Variants in GIMAP4 observed in about 807,000 individuals in gnomAD.
GIMAP4 encodes GTPase IMAP family member 4.
A neutral mutation model predicts 10.8 loss-of-function variants in GIMAP4; 12 were observed. The ratio of observed to expected loss-of-function variants is 1.11; its 90% confidence interval spans 0.71 to 1.81. The LOEUF is 1.81. GIMAP4 is among the 40% of genes most tolerant of loss of function. The pLI, the probability that GIMAP4 is intolerant of heterozygous loss-of-function variation, is 0.00. For missense variants in GIMAP4, 412 were observed against 404.6 expected (o/e 1.02, Z -0.16); for synonymous variants, 149 against 147.2 (o/e 1.01, Z -0.09).
intron 1 of GIMAP4, among the ~76,000 whole-genome samples, chr7:150,567,680 G>T (rs767215816): frequency 6.6e-6 from 1 of 152,108 alleles, no homozygotes. Flanking sequence ...GTTTCCTCTC[G>T]CTGGTTGTGG....
At chr7:150,567,900 G>A (rs375932027) in intron 1 of GIMAP4, among the ~76,000 whole-genome samples, 79 of 152,186 alleles carry the variant, frequency 5.2e-4, no homozygotes, top group Non-Finnish European at 7.1e-4. Context: ...GGAGCTGCCC[G>A]TTAGGGAAAC....
chr7:150,568,495 G>T (rs1795690303), intron 1 of GIMAP4, among the ~76,000 whole-genome samples: 1 of 152,026 alleles, frequency 6.6e-6, no homozygotes, highest in South Asian at 2.1e-4. Context: ...TTTCTCCATT[G>T]CAAAATGTTT....
intron 2 of GIMAP4, among the ~76,000 whole-genome samples, chr7:150,570,369 C>A (rs201073442): frequency 1.3e-5 from 2 of 152,154 alleles, no homozygotes; most frequent in African/African-American, 2.4e-5. Context: ...AATTGTCCCT[C>A]ACCCTGGTAT....
At position 150,572,305 on chromosome 7, in the gene GIMAP4, A is replaced by G. The variant is rs927263369; in HGVS notation, c.235A>G (p.Thr79Ala). 5.6e-6 allele frequency: 9 copies of G among 1,614,196 alleles called. No homozygotes were observed. The highest frequency in any genetic ancestry group is 1.6e-4 in the Middle Eastern group (1 of 6,062). Reference protein sequence around the residue: ...CEKRSSSWKETELVVVDTPGI... With the variant: ...CEKRSSSWKEAELVVVDTPGI... ...GAAACGCAGCAGCTCATGGAAGGAA[A>G]CAGAACTTGTCGTAGTTGACACACC... is the stretch of plus-strand genomic sequence containing the variant. Residue 79 changes from threonine to alanine, a missense_variant, in exon 3 of 3, where the codon ACA (threonine) becomes GCA (alanine). Coordinates refer to ENST00000255945, the MANE Select transcript of GIMAP4 (RefSeq NM_018326.3).
At chr7:150,569,483 C>T (rs116228921) in intron 1 of GIMAP4, among the ~76,000 whole-genome samples, 1,545 of 152,178 alleles carry the variant, frequency 0.01, 21 homozygotes, top group African/African-American at 0.036. Context: ...TAATTTCGGC[C>T]AGGTTCTGTT....
chr7:150,571,220 G>A (rs1000499613), intron 2 of GIMAP4, among the ~76,000 whole-genome samples: 3 of 152,088 alleles, frequency 2.0e-5, no homozygotes, highest in African/African-American at 7.2e-5. Flanking sequence ...GCCAGCCCAC[G>A]TTTTTCCTTA....
chr7:150,572,097 A>G, intron 2 of GIMAP4, 32 bp from the exon 3 acceptor site: 2 of 1,432,778 alleles, frequency 1.4e-6, no homozygotes, highest in Non-Finnish European at 1.9e-6. Flanking sequence ...AGATTCTAAC[A>G]GCATGGCTTT....
chr7:150,569,361 A>G (rs1267027377), intron 1 of GIMAP4, among the ~76,000 whole-genome samples: 1 of 152,038 alleles, frequency 6.6e-6, no homozygotes, highest in Non-Finnish European at 1.5e-5. Flanking sequence ...GAGAGAGAGG[A>G]TAAAAGAGTT....
chr7:150,573,644 C>T lies in GIMAP4; in HGVS notation c.*584C>T, dbSNP rs887116302. ...AAGAACAGAGACCTGTCTGGAAAAT[C>T]GATCTCTACAAATTCAATTAAATAA... On this transcript the variant is annotated 3_prime_UTR_variant, in exon 3 of 3. Transcript: ENST00000255945. 4 of 152,138 alleles carry T rather than the reference C, an allele frequency of 2.6e-5. No individual in the cohort carries two copies. The highest frequency in any genetic ancestry group is 4.4e-5 in the Non-Finnish European group (3 of 68,044). The allele number at this position is 152,138 out of a possible 1,614,324, so 9.4% of individuals were successfully genotyped here. A position where few individuals can be genotyped will look rare whatever the true frequency, so the allele number is the denominator to read the frequency against.
In GIMAP4 at chr7:150,572,226, C is replaced by T. The variant is rs765367147; in HGVS notation, c.156C>T (p.Gly52=). Residue 52 remains glycine (G), a synonymous_variant, in exon 3 of 3, where the codon GGC becomes GGT. Coordinates refer to ENST00000255945, the MANE Select transcript of GIMAP4 (RefSeq NM_018326.3). ...GKSATGNSIL[G]RKVFHSGTAA... ...GTGCAACAGGAAACAGCATCCTTGG[C>T]CGGAAAGTGTTTCATTCTGGCACTG... 2 of 1,613,618 alleles carry T rather than the reference C, an allele frequency of 1.2e-6. No individual in the cohort carries two copies. The highest frequency in any genetic ancestry group is 1.1e-5 in the South Asian group (1 of 91,084).
chr7:150,570,286 T>G lies in GIMAP4; in HGVS notation c.58+327T>G, dbSNP rs956692051. ...ACATGGACACACCAGAACAGCTGGT[T>G]GTAGCCTATCTGATTGTTTTTCTGC... On this transcript the variant is annotated intron_variant, in intron 2 of 2. Transcript: ENST00000255945. Among the ~76,000 whole-genome samples, 23 of 152,116 alleles carry G rather than the reference T, an allele frequency of 1.5e-4. 1 individual carries two copies. The highest frequency in any genetic ancestry group is 5.6e-4 in the African/African-American group (23 of 41,424).
At position 150,573,932 on chromosome 7, in the gene GIMAP4, A is replaced by G. The variant is rs1795769058; in HGVS notation, c.*872A>G. ...GAATTTTTTGCTTATGTTGTTTATA[A>G]TAAAACTTTTCAATTATCTCATATT... On this transcript the variant is annotated 3_prime_UTR_variant, in exon 3 of 3. Transcript: ENST00000255945. 1 of 152,224 alleles carries G rather than the reference A, an allele frequency of 6.6e-6. No individual in the cohort carries two copies. The highest frequency in any genetic ancestry group is 2.1e-4 in the South Asian group (1 of 4,836). 9.4% of individuals were successfully genotyped at this position (152,224 alleles called of 1,614,324 possible). A position where few individuals can be genotyped will look rare whatever the true frequency, so the allele number is the denominator to read the frequency against.
chr7:150,568,562 A>G (rs1471255880), intron 1 of GIMAP4, among the ~76,000 whole-genome samples: 1 of 152,242 alleles, frequency 6.6e-6, no homozygotes, highest in African/African-American at 2.4e-5. Flanking sequence ...ATAACACTAC[A>G]TATTAATTAA....
In GIMAP4 at chr7:150,572,459, A is replaced by G; in HGVS notation, c.389A>G (p.Glu130Gly). 6.2e-7 allele frequency: 1 copy of G among 1,614,128 alleles called. No homozygotes were observed. The highest frequency in any genetic ancestry group is 8.5e-7 in the Non-Finnish European group (1 of 1,179,948). ...VVPLGRYTEE[E>G]HKATEKILKM... ...CCACTGGGCCGTTACACTGAGGAAGAGCACAAAGCCACAGAGAAGATCCTG... is the reference window on the plus strand; with the variant it reads ...CCACTGGGCCGTTACACTGAGGAAGGGCACAAAGCCACAGAGAAGATCCTG... The change falls in exon 3 of 3, where the codon GAG becomes GGG. Residue 130 changes from glutamate (E) to glycine (G), a missense_variant. Physicochemically the swap from Glu to Gly is moderately conservative, Grantham distance 98. Transcript: ENST00000255945.
chr7:150,567,572 C>T (rs1298674267), intron 1 of GIMAP4, 135 bp downstream of exon 1: 1 of 152,120 alleles, frequency 6.6e-6, no homozygotes, highest in African/African-American at 2.4e-5. Flanking sequence ...CCTGGCTTTG[C>T]TAATTTTAGG....
chr7:150,567,956 C>T (rs1795682547), intron 1 of GIMAP4, among the ~76,000 whole-genome samples: 1 of 152,118 alleles, frequency 6.6e-6, no homozygotes, highest in Non-Finnish European at 1.5e-5. Context: ...TTGAGCTCCC[C>T]TTTAGCGGGT....
At chr7:150,568,366 C>G (rs1795689156) in intron 1 of GIMAP4, among the ~76,000 whole-genome samples, 2 of 152,048 alleles carry the variant, frequency 1.3e-5, no homozygotes, top group African/African-American at 4.8e-5. Context: ...AAAGAAATAT[C>G]TGGCTTTTCA....
chr7:150,572,361 T>C lies in GIMAP4; in HGVS notation c.291T>C (p.Ala97=), dbSNP rs1795741696. 2 of 1,614,112 alleles carry C rather than the reference T, an allele frequency of 1.2e-6. No individual in the cohort carries two copies. The highest frequency in any genetic ancestry group is 2.7e-5 in the African/African-American group (2 of 75,042). The part of the protein sequence containing the change: ...PGIFDTEVPN[A]ETSKEIIRCI... ...TTTTCGACACAGAGGTGCCCAATGC[T>C]GAAACGTCCAAGGAGATTATTCGCT... Residue 97 remains alanine (A), a synonymous_variant, in exon 3 of 3, where the codon GCT becomes GCC. Transcript: ENST00000255945.
Position 150,569,935 on chromosome 7 carries a change from C to G in GIMAP4, c.34C>G (p.Pro12Ala), listed in dbSNP as rs142355489. 175 of 1,605,528 alleles carry G rather than the reference C, an allele frequency of 1.1e-4. No individual in the cohort carries two copies. Among genetic ancestry groups the G allele is most frequent in the Admixed American group, 1.3e-4 (8 of 59,960 alleles). Residue 12 changes from proline (P) to alanine (A), a missense_variant, in exon 2 of 3, where the codon CCC (proline) becomes GCC (alanine). Coordinates refer to ENST00000255945, the MANE Select transcript of GIMAP4 (RefSeq NM_018326.3). The part of the protein sequence containing the change: ...AAQYGSMSFN[P>A]STPGASYGPG... Reference sequence around the variant, plus strand: ...CCAATACGGCAGTATGAGCTTCAACCCCAGCACACCAGGGGCCAGTTATGG... The same window carrying G: ...CCAATACGGCAGTATGAGCTTCAACGCCAGCACACCAGGGGCCAGTTATGG...
Sources: gnomAD v4.1 joint callset for allele counts (sites outside exome capture counted in the v4.1 genomes callset) on GRCh38, gnomAD v4.1.1 for gene constraint, MANE v1.5 for transcripts, NCBI Gene and HGNC (gene_info 2026-07-23, HGNC 2026-07-21) for gene names.